The following SGCZ variants were observed in gnomAD, a reference collection of about 807,000 sequenced individuals.
SGCZ encodes the protein zeta-sarcoglycan.
Under a neutral mutation model 41.3 loss-of-function variants are expected in SGCZ, and 40 were observed. That is an observed-to-expected ratio of 0.97 (90% CI 0.75 to 1.26). SGCZ has a LOEUF of 1.26. Ranked by LOEUF, SGCZ falls within the 50% of genes most tolerant of loss-of-function variation. The pLI is 0.00. For synonymous variants in SGCZ, 206 were observed against 137.5 expected (o/e 1.50, Z -3.49); for missense variants, 552 against 369.8 (o/e 1.49, Z -4.04).
intron 1 of SGCZ, among the ~76,000 whole-genome samples, chr8:15,084,840 TGTGA>T (rs1367847747): frequency 9.8e-5 from 15 of 152,318 alleles, no homozygotes; most frequent in Admixed American, 8.5e-4. Flanking sequence ...CTCTCATATA[TGTGA>T]GTTTCACTTA....
At chr8:14,521,882 C>G (rs1044705589) in intron 2 of SGCZ, among the ~76,000 whole-genome samples, 1 of 152,080 alleles carries the variant, frequency 6.6e-6, no homozygotes, top group Admixed American at 6.6e-5. Context: ...AAGCATAATG[C>G]TAGCTGTAAG....
intron 1 of SGCZ, among the ~76,000 whole-genome samples, chr8:14,961,886 T>C (rs1800978585): frequency 6.6e-6 from 1 of 152,206 alleles, no homozygotes. Flanking sequence ...CTACTCCCTA[T>C]TCATAGCAAC....
At chr8:14,195,320 T>C (rs1428280466) in intron 4 of SGCZ, among the ~76,000 whole-genome samples, 2 of 152,012 alleles carry the variant, frequency 1.3e-5, no homozygotes, top group East Asian at 1.9e-4. Context: ...TGACAGCAGA[T>C]TAGACATTAC....
At chr8:14,562,968 T>A in intron 1 of SGCZ, among the ~76,000 whole-genome samples, 1 of 151,826 alleles carries the variant, frequency 6.6e-6, no homozygotes, top group Admixed American at 6.6e-5. Context: ...AAAGGAGGAG[T>A]AGTATAGACA....
At chr8:14,180,515 C>G (rs1804687327) in intron 4 of SGCZ, among the ~76,000 whole-genome samples, 1 of 151,972 alleles carries the variant, frequency 6.6e-6, no homozygotes, top group African/African-American at 2.4e-5. Flanking sequence ...GACTGGAAGT[C>G]CCATTTATCA....
chr8:14,577,071 G>T (rs1213325684), intron 1 of SGCZ, among the ~76,000 whole-genome samples: 2 of 152,166 alleles, frequency 1.3e-5, no homozygotes, highest in African/African-American at 4.8e-5. Flanking sequence ...TTGCCAAAAG[G>T]TATATTTGAA....
chr8:14,429,293 G>A (rs1244890874), intron 2 of SGCZ, among the ~76,000 whole-genome samples: 2 of 152,206 alleles, frequency 1.3e-5, no homozygotes, highest in Admixed American at 6.5e-5. Context: ...GAGGAGGGTT[G>A]TCAGGGTAGA....
At chr8:14,332,980 G>A (rs1057117685) in intron 2 of SGCZ, among the ~76,000 whole-genome samples, 2 of 150,686 alleles carry the variant, frequency 1.3e-5, no homozygotes, top group African/African-American at 2.4e-5. Context: ...AATGGAGAAC[G>A]GACCATAGCT....
intron 1 of SGCZ, among the ~76,000 whole-genome samples, chr8:15,040,921 T>C (rs920129261): frequency 6.6e-6 from 1 of 152,138 alleles, no homozygotes; most frequent in Non-Finnish European, 1.5e-5. Flanking sequence ...ACTTAAAGTA[T>C]ATTATTAGAT....
chr8:14,760,556 A>G (rs1347178717), intron 1 of SGCZ, among the ~76,000 whole-genome samples: 1 of 152,224 alleles, frequency 6.6e-6, no homozygotes, highest in East Asian at 1.9e-4. Context: ...AAAATACGGC[A>G]TGTAACCCTC....
At chr8:14,521,193 A>C (rs1802778620) in intron 2 of SGCZ, among the ~76,000 whole-genome samples, 1 of 152,174 alleles carries the variant, frequency 6.6e-6, no homozygotes. Flanking sequence ...CTTTGCAGCC[A>C]CATCTGCTTC....
chr8:14,101,264 G>C (rs1802011397), intron 7 of SGCZ, among the ~76,000 whole-genome samples: 2 of 150,228 alleles, frequency 1.3e-5, no homozygotes, highest in Non-Finnish European at 1.5e-5. Flanking sequence ...ATGAGGCACA[G>C]TAAGAGAAAG....
intron 3 of SGCZ, among the ~76,000 whole-genome samples, chr8:14,286,806 C>T (rs942534806): frequency 3.3e-5 from 5 of 152,092 alleles, no homozygotes; most frequent in Non-Finnish European, 5.9e-5. Context: ...GCTAAGATAC[C>T]CATAAAATTG....
intron 1 of SGCZ, among the ~76,000 whole-genome samples, chr8:15,040,340 C>T (rs1332712627): frequency 6.6e-6 from 1 of 152,112 alleles, no homozygotes; most frequent in Non-Finnish European, 1.5e-5. Flanking sequence ...TCGTTGGCCG[C>T]GAGGTGGCTC....
intron 2 of SGCZ, among the ~76,000 whole-genome samples, chr8:14,334,663 T>A (rs1005534396): frequency 6.6e-6 from 1 of 152,062 alleles, no homozygotes; most frequent in Non-Finnish European, 1.5e-5. Context: ...CAAATTTGCA[T>A]TGTGGTATTC....
chr8:14,109,346 A>T (rs1459501622), intron 5 of SGCZ, among the ~76,000 whole-genome samples: 1 of 152,194 alleles, frequency 6.6e-6, no homozygotes, highest in South Asian at 2.1e-4. Flanking sequence ...GGATACTTCA[A>T]TTACCAAAAT....
chr8:15,106,900 G>C (rs1806847444), intron 1 of SGCZ, among the ~76,000 whole-genome samples: 1 of 140,288 alleles, frequency 7.1e-6, no homozygotes, highest in Middle Eastern at 3.5e-3. Flanking sequence ...TTCTGTTATA[G>C]TCACCTTTTA....
At chr8:14,254,465 G>C (rs1799393958) in intron 3 of SGCZ, among the ~76,000 whole-genome samples, 1 of 152,194 alleles carries the variant, frequency 6.6e-6, no homozygotes, top group South Asian at 2.1e-4. Flanking sequence ...TAGGGATATA[G>C]TCAGATGTTA....
chr8:14,316,594 C>T (rs915131141), intron 3 of SGCZ, among the ~76,000 whole-genome samples: 6 of 151,848 alleles, frequency 4.0e-5, no homozygotes, highest in Non-Finnish European at 5.9e-5. Context: ...CTCTTTCAAC[C>T]CGGAAACACT....
Sources: gnomAD v4.1 joint callset for allele counts (sites outside exome capture counted in the v4.1 genomes callset) on GRCh38, gnomAD v4.1.1 for gene constraint, MANE v1.5 for transcripts, NCBI Gene and HGNC (gene_info 2026-07-23, HGNC 2026-07-21) for gene names.